The following NOTCH3 variants were observed in gnomAD, a reference collection of about 807,000 sequenced individuals.
The protein encoded by NOTCH3 is notch receptor 3, also known as neurogenic locus notch homolog protein 3.
Under a neutral mutation model 213.3 loss-of-function variants are expected in NOTCH3, and 86 were observed. The observed-to-expected ratio is 0.40, with a 90% CI of 0.34 to 0.48. The LOEUF is 0.48. Among genes scored for constraint, NOTCH3 ranks in the 20% least tolerant of loss-of-function variants. The pLI is 0.57. For synonymous variants in NOTCH3, 1,354 were observed against 1,355.9 expected (o/e 1.00, Z 0.03); for missense variants, 2,783 against 3,272.6 (o/e 0.85, Z 3.65).
chr19:15,166,216 G>A lies in NOTCH3; in HGVS notation c.5363-125C>T, dbSNP rs10415431. On this transcript the variant is annotated intron_variant, in intron 29 of 32. Coordinates refer to ENST00000263388, the MANE Select transcript of NOTCH3 (RefSeq NM_000435.3). The stretch of plus-strand genomic sequence containing the variant: ...AAAATGACAATTAGCAGATCCTCCT[G>A]TCTGCACACCCACACCCAGAATGAG... 713,586 of 808,920 alleles carry A rather than the reference G, an allele frequency of 0.88. 316,016 individuals are homozygous for A. Among genetic ancestry groups the A allele is most frequent in the African/African-American group, 0.98 (57,861 of 59,130 alleles). The allele number at this position is 808,920 out of a possible 1,614,324, so 50.1% of individuals were successfully genotyped here. A position where few individuals can be genotyped will look rare whatever the true frequency, so the allele number is the denominator to read the frequency against.
intron 6 of NOTCH3, 120 bp from the exon 7 acceptor site, chr19:15,189,548 C>T (rs1356582478): frequency 3.1e-6 from 4 of 1,279,268 alleles, no homozygotes; most frequent in East Asian, 4.7e-5. Context: ...GACGAAGTTT[C>T]GCTCTTGTTG....
Position 15,198,086 on chromosome 19 carries a change from C to T in NOTCH3, c.119-508G>A, listed in dbSNP as rs1044025163. 3.3e-5 allele frequency among the ~76,000 whole-genome samples: 5 copies of T among 152,172 alleles called. No homozygotes were observed. The East Asian group carries it at 7.7e-4, about 23-fold the overall frequency. The stretch of plus-strand genomic sequence containing the variant: ...TTGGGAGAGGGACCAAGGCATGTAC[C>T]CACGAGTGAGCACAGCATCTCCAGA... On this transcript the variant is annotated intron_variant, in intron 1 of 32. Transcript: ENST00000263388.
In NOTCH3 at chr19:15,181,688, T is replaced by G; in HGVS notation, c.2680A>C (p.Asn894His). Reference protein sequence around the residue: ...CARDVDECLSNPCGPGTCTDH... With the variant: ...CARDVDECLSHPCGPGTCTDH... ...GTACAGGTGCCCGGGCCGCAGGGGT[T>G]GCTCAGGCACTCATCCACATCGCGG... The change falls in exon 17 of 33, where the codon AAC becomes CAC. Residue 894 changes from asparagine (N) to histidine (H), a missense_variant. Physicochemically the swap from Asn to His is moderately conservative, Grantham distance 68. Transcript: ENST00000263388. 1 of 1,560,356 alleles carries G rather than the reference T, an allele frequency of 6.4e-7. No homozygotes were observed. The highest frequency in any genetic ancestry group is 2.4e-5 in the East Asian group (1 of 41,796).
In NOTCH3 at chr19:15,160,777, G is replaced by A; in HGVS notation, c.6851C>T (p.Thr2284Ile). 5 of 1,613,904 alleles carry A rather than the reference G, an allele frequency of 3.1e-6. No individual in the cohort carries two copies. Among genetic ancestry groups the A allele is most frequent in the Admixed American group, 1.7e-5 (1 of 60,026 alleles). The change falls in exon 33 of 33, where the codon ACT becomes ATT. Residue 2284 changes from threonine to isoleucine, a missense_variant. This residue lies in a region of NOTCH3 where 441 missense variants were observed against 432.1 expected (regional missense o/e 1.02). Transcript: ENST00000263388. Reference protein sequence around the residue: ...ATATGAMATTTGALPAQPLPL... With the variant: ...ATATGAMATTIGALPAQPLPL... Reference sequence around the variant, plus strand: ...AAGTGGCTGGGCAGGCAGTGCCCCAGTGGTGGTGGCCATGGCCCCAGTGGC... The same window carrying A: ...AAGTGGCTGGGCAGGCAGTGCCCCAATGGTGGTGGCCATGGCCCCAGTGGC...
rs752788656 is a variant in NOTCH3 at position 15,197,589 on chromosome 19, G to A, written c.119-11C>T. On this transcript the variant is annotated splice_polypyrimidine_tract_variant and intron_variant, in intron 1 of 32. Transcript: ENST00000263388. ...CCAGGCAAGGGGGGGCTGTGTGGGG[G>A]TGAAGGAAGGTGGAGGATCAGCCAG... is the stretch of plus-strand genomic sequence containing the variant. 1.9e-6 allele frequency: 3 copies of A among 1,610,484 alleles called. No homozygotes were observed. The highest frequency in any genetic ancestry group is 8.5e-7 in the Non-Finnish European group (1 of 1,179,290).
intron 28 of NOTCH3, among the ~76,000 whole-genome samples, chr19:15,169,223 T>TCTCC (rs1555726057): frequency 2.1e-4 from 18 of 87,356 alleles, no homozygotes; most frequent in African/African-American, 7.9e-4. Context: ...TCTCTCTCTC[T>TCTCC]CTCTCTCCCC....
In NOTCH3 at chr19:15,186,888, A is replaced by G. The variant is rs769521655; in HGVS notation, c.1941T>C (p.Pro647=). 21 of 1,613,972 alleles carry G rather than the reference A, an allele frequency of 1.3e-5. No individual in the cohort carries two copies. Among genetic ancestry groups the G allele is most frequent in the East Asian group, 4.5e-5 (2 of 44,890 alleles). Residue 647 remains proline (P), a synonymous_variant, in exon 12 of 33, where the codon CCT becomes CCC. Coordinates refer to ENST00000263388, the MANE Select transcript of NOTCH3 (RefSeq NM_000435.3). ...GINRYDCVCQ[P]GFTGPLCNVE... The stretch of plus-strand genomic sequence containing the variant: ...CAGCCACTTGCCCACCTGTGAAGCC[A>G]GGTTGGCAGACACAGTCGTAGCGGT...
Position 15,161,252 on chromosome 19 carries a change from G to T in NOTCH3, c.6376C>A (p.Pro2126Thr). 1 of 1,547,832 alleles carries T rather than the reference G, an allele frequency of 6.5e-7. No individual in the cohort carries two copies. Among genetic ancestry groups the T allele is most frequent in the South Asian group, 1.2e-5 (1 of 84,384 alleles). The stretch of plus-strand genomic sequence containing the variant: ...GCAGTGGCAGTGGCAGCTGCATAGG[G>T]CCCCTCAAGGGGGAAGCCACCAGGG... Reference protein sequence around the residue: ...ASPGGFPLEGPYAAATATAVS... With the variant: ...ASPGGFPLEGTYAAATATAVS... Residue 2126 changes from proline to threonine, a missense_variant, in exon 33 of 33, where the codon CCC (proline) becomes ACC (threonine). By Grantham distance (38) the Pro-to-Thr change is conservative. Transcript: ENST00000263388.
chr19:15,160,433 C>T lies in NOTCH3; in HGVS notation c.*229G>A. 2 of 583,782 alleles carry T rather than the reference C, an allele frequency of 3.4e-6. No homozygotes were observed. Among genetic ancestry groups the T allele is most frequent in the Non-Finnish European group, 6.1e-6 (2 of 327,218 alleles). The allele number at this position is 583,782 out of a possible 1,614,324, so 36.2% of individuals were successfully genotyped here. On this transcript the variant is annotated 3_prime_UTR_variant, in exon 33 of 33. Coordinates refer to ENST00000263388, the MANE Select transcript of NOTCH3 (RefSeq NM_000435.3). ...GTGGGGAAGAAGGAGGTCCCAGACT[C>T]TTCACAAGACTGAGAGGGTGGGTGG...
Position 15,187,571 on chromosome 19 carries a change from C to T in NOTCH3, c.1607-233G>A, listed in dbSNP as rs557146751. ...TCCCACAGTTAAATCCCGCCCCCAG[C>T]TGTGGCCCCACCTCCAGCCCTGTTT... On this transcript the variant is annotated intron_variant, in intron 10 of 32. Coordinates refer to ENST00000263388, the MANE Select transcript of NOTCH3 (RefSeq NM_000435.3). Among the ~76,000 whole-genome samples, 32 of 151,382 alleles carry T rather than the reference C, an allele frequency of 2.1e-4. No homozygotes were observed. In the South Asian group the frequency reaches 6.1e-3, roughly 29 times the overall value.
Position 15,180,737 on chromosome 19 carries a change from C to G in NOTCH3, c.3086G>C (p.Ser1029Thr), listed in dbSNP as rs754080644. ...GCTTCGGATGTCACAGAGGCGTCCG[C>G]TCCATCCAGGGGGACAAAGGCAATA... ...GAYCLCPPGWSGRLCDIRSLP... is the reference protein window; with the variant it reads ...GAYCLCPPGWTGRLCDIRSLP... Residue 1029 changes from serine (S) to threonine (T), a missense_variant, in exon 19 of 33, where the codon AGC becomes ACC. Ser to Thr is a moderately conservative substitution (Grantham distance 58). This residue lies in a region of NOTCH3 where 861 missense variants were observed against 909.1 expected (regional missense o/e 0.95). Transcript: ENST00000263388. 6.3e-7 allele frequency: 1 copy of G among 1,582,004 alleles called. No individual in the cohort carries two copies. Among genetic ancestry groups the G allele is most frequent in the Non-Finnish European group, 8.6e-7 (1 of 1,164,682 alleles).
At position 15,189,190 on chromosome 19, in the gene NOTCH3, C is replaced by T. The variant is rs2145436594; in HGVS notation, c.1193-16G>A. ...GGGTTGGCGCCTGCCGGATGGAGTG[C>T]GATCGGTGTGGGCGTGGCTGGCCGG... On this transcript the variant is annotated splice_polypyrimidine_tract_variant and intron_variant, in intron 7 of 32. Coordinates refer to ENST00000263388, the MANE Select transcript of NOTCH3 (RefSeq NM_000435.3). The T allele has an allele frequency of 1.2e-6, 2 of 1,613,198 alleles. No homozygotes were observed. The highest frequency in any genetic ancestry group is 2.2e-5 in the South Asian group (2 of 91,082).
chr19:15,190,664 C>T (rs1308375898), intron 6 of NOTCH3, among the ~76,000 whole-genome samples: 1 of 152,250 alleles, frequency 6.6e-6, no homozygotes, highest in African/African-American at 2.4e-5. Flanking sequence ...CAGCTCACTG[C>T]AACCTCCACC....
rs2046809137 is a variant in NOTCH3 at position 15,178,244 on chromosome 19, C to T, written c.3838-154G>A. The T allele has an allele frequency of 1.1e-5, 6 of 553,846 alleles. No individual in the cohort carries two copies. In the South Asian group the frequency reaches 1.4e-4, roughly 13 times the overall value. The allele number at this position is 553,846 out of a possible 1,614,324, so 34.3% of individuals were successfully genotyped here. A position where few individuals can be genotyped will look rare whatever the true frequency, so the allele number is the denominator to read the frequency against. On this transcript the variant is annotated intron_variant, in intron 23 of 32. Transcript: ENST00000263388. ...TAAGGAAGGTTGAGACCCCCTCAAC[C>T]TCCCCATGTCCCACCCAACCGCTCC...
chr19:15,171,135 C>T (rs189973908), intron 25 of NOTCH3, among the ~76,000 whole-genome samples: 458 of 152,278 alleles, frequency 3.0e-3, no homozygotes, highest in Non-Finnish European at 4.0e-3. Flanking sequence ...AAGCGATTCT[C>T]CTGCCTCAGC....
chr19:15,199,067 G>A (rs1467511232), intron 1 of NOTCH3, among the ~76,000 whole-genome samples: 3 of 152,234 alleles, frequency 2.0e-5, no homozygotes, highest in East Asian at 1.9e-4. Context: ...AGGACCTGTG[G>A]GTGTTCGTGA....
In NOTCH3 at chr19:15,165,072, T is replaced by A. The variant is rs2046674487; in HGVS notation, c.5815+296A>T. 6.6e-6 allele frequency among the ~76,000 whole-genome samples: 1 copy of A among 152,168 alleles called. No individual in the cohort carries two copies. Among genetic ancestry groups the A allele is most frequent in the Non-Finnish European group, 1.5e-5 (1 of 68,030 alleles). Reference sequence around the variant, plus strand: ...GATCACAGGCATGAGCCACCACACATGGCCTGATGTGTACGTTTATTATAA... The same window carrying A: ...GATCACAGGCATGAGCCACCACACAAGGCCTGATGTGTACGTTTATTATAA... On this transcript the variant is annotated intron_variant, in intron 31 of 32. Coordinates refer to ENST00000263388, the MANE Select transcript of NOTCH3 (RefSeq NM_000435.3). This position sits in a 1 kb window ranked among gnomAD's most constrained non-coding sequence, Gnocchi z 4.7.
rs747661515 is a variant in NOTCH3, at chr19:15,187,125, C to T, written c.1820G>A (p.Arg607His). The T allele has an allele frequency of 1.9e-5, 31 of 1,613,946 alleles. No individual in the cohort carries two copies. The highest frequency in any genetic ancestry group is 4.0e-5 in the African/African-American group (3 of 74,926). ...CCCACCTGTGGTCCCAGAAGGGCAG[C>T]GGCAGAGGTACTTGTCCACCAGGTC... ...CLDLVDKYLCRCPSGTTGVNC... is the reference protein window; with the variant it reads ...CLDLVDKYLCHCPSGTTGVNC... The change falls in exon 11 of 33, where the codon CGC (arginine) becomes CAC (histidine). Residue 607 changes from arginine (R) to histidine (H), a missense_variant. Around this residue, in one of 6 missense-constraint regions of NOTCH3, gnomAD observed 708 missense variants for 906.6 expected, o/e 0.78. Coordinates refer to ENST00000263388, the MANE Select transcript of NOTCH3 (RefSeq NM_000435.3).
chr19:15,161,737 G>A (rs758683935), intron 32 of NOTCH3, 23 bp from the exon 33 acceptor site: 2 of 1,608,340 alleles, frequency 1.2e-6, no homozygotes, highest in South Asian at 1.1e-5. Flanking sequence ...AACCCACAGA[G>A]GTCAGCGAAA....
Sources: allele counts gnomAD v4.1 joint callset (sites outside exome capture counted in the v4.1 genomes callset), GRCh38; gene constraint gnomAD v4.1.1; regional missense constraint gnomAD v4.1.1; non-coding constraint Gnocchi (gnomAD v3.1); transcripts MANE v1.5; gene names NCBI Gene and HGNC (gene_info 2026-07-23, HGNC 2026-07-21).